The following COMMD1 variants were observed in gnomAD, a reference collection of about 807,000 sequenced individuals.
The protein encoded by COMMD1 is COMM domain-containing protein 1.
Under a neutral mutation model 17.2 loss-of-function variants are expected in COMMD1, and 10 were observed. That is an observed-to-expected ratio of 0.58 (90% CI 0.36 to 0.99). The LOEUF is 0.99. Ranked by LOEUF, COMMD1 falls within the 50% of genes least tolerant of loss-of-function variation. The pLI is 0.01. For missense variants in COMMD1, 270 were observed against 231.8 expected (o/e 1.17, Z -1.07); for synonymous variants, 97 against 91.6 (o/e 1.06, Z -0.34).
At chr2:61,964,457 GC>G (rs1671452502) in intron 1 of COMMD1, among the ~76,000 whole-genome samples, 1 of 151,998 alleles carries the variant, frequency 6.6e-6, no homozygotes, top group South Asian at 2.1e-4. Context: ...TAAGCAATCC[GC>G]CCCATTTGGC....
intron 1 of COMMD1, among the ~76,000 whole-genome samples, chr2:61,911,242 G>C (rs189333657): frequency 6.6e-5 from 10 of 152,098 alleles, no homozygotes; most frequent in African/African-American, 2.4e-4. Flanking sequence ...GGGGAGGCCA[G>C]GGTGGGCGGA....
chr2:61,994,917 G>T (rs549725228), intron 1 of COMMD1, among the ~76,000 whole-genome samples: 2 of 152,094 alleles, frequency 1.3e-5, no homozygotes, highest in Non-Finnish European at 2.9e-5. Flanking sequence ...CTGGTTTGGA[G>T]CTTATGCCAG....
At chr2:62,058,565 G>T (rs1304130411) in intron 2 of COMMD1, among the ~76,000 whole-genome samples, 1 of 152,006 alleles carries the variant, frequency 6.6e-6, no homozygotes, top group Non-Finnish European at 1.5e-5. Context: ...CTTGAGCCCA[G>T]GAGTTTGAGA....
At chr2:62,082,170 A>G (rs1447240474) in intron 2 of COMMD1, among the ~76,000 whole-genome samples, 2 of 152,190 alleles carry the variant, frequency 1.3e-5, no homozygotes, top group African/African-American at 4.8e-5. Flanking sequence ...AAAAGCTTGT[A>G]TACATTTCTG....
At chr2:62,030,907 C>T (rs1054122618) in intron 2 of COMMD1, among the ~76,000 whole-genome samples, 4 of 151,636 alleles carry the variant, frequency 2.6e-5, no homozygotes, top group African/African-American at 9.7e-5. Flanking sequence ...TCATTTACAC[C>T]CCCCAGGTTT....
chr2:61,891,346 G>A (rs564997837), intron 1 of COMMD1, among the ~76,000 whole-genome samples: 5 of 152,170 alleles, frequency 3.3e-5, no homozygotes, highest in Non-Finnish European at 7.3e-5. Context: ...ATTTTTGTTC[G>A]TGGGATTAGG....
chr2:62,072,736 A>G (rs924986729), intron 2 of COMMD1, among the ~76,000 whole-genome samples: 2 of 152,162 alleles, frequency 1.3e-5, no homozygotes, highest in Admixed American at 1.3e-4. Context: ...GCACCACCGC[A>G]TTCCCCACAT....
chr2:62,068,892 C>T (rs1475694605), intron 2 of COMMD1, among the ~76,000 whole-genome samples: 2 of 151,966 alleles, frequency 1.3e-5, no homozygotes, highest in African/African-American at 4.8e-5. Flanking sequence ...TCACCCGCCT[C>T]GGCCTCCCAA....
intron 2 of COMMD1, chr2:62,055,373 T>G: frequency 1.5e-5 from 7 of 455,330 alleles, no homozygotes; most frequent in South Asian, 9.3e-5. Context: ...CAGAAGACTC[T>G]AAGACTGCCA....
chr2:61,943,610 G>A (rs1193457968), intron 1 of COMMD1, among the ~76,000 whole-genome samples: 2 of 152,168 alleles, frequency 1.3e-5, no homozygotes, highest in African/African-American at 2.4e-5. Flanking sequence ...TGAGGCAGGT[G>A]GATCACTTGA....
intron 2 of COMMD1, among the ~76,000 whole-genome samples, chr2:62,059,130 G>T (rs1049178749): frequency 5.3e-5 from 8 of 152,052 alleles, no homozygotes; most frequent in Admixed American, 1.3e-4. Flanking sequence ...ATACATTTCT[G>T]ATTATGTTTT....
chr2:61,999,192 A>G (rs534602818), intron 1 of COMMD1, among the ~76,000 whole-genome samples: 1 of 152,348 alleles, frequency 6.6e-6, no homozygotes, highest in South Asian at 2.1e-4. Flanking sequence ...GATGCACAAT[A>G]AAATGAAGTA....
intron 2 of COMMD1, among the ~76,000 whole-genome samples, chr2:62,053,051 G>A (rs961105985): frequency 1.3e-5 from 2 of 152,160 alleles, no homozygotes; most frequent in African/African-American, 4.8e-5. Flanking sequence ...CTGCACTCCA[G>A]CCTAGGTGAC....
At chr2:61,903,531 T>G (rs1669702689), upstream of COMMD1, among the ~76,000 whole-genome samples, 1 of 151,984 alleles carries the variant, frequency 6.6e-6, no homozygotes, top group Non-Finnish European at 1.5e-5. Flanking sequence ...TGGCACTGCC[T>G]TGAAAGGGGC....
At chr2:61,905,286 C>T (rs1378732570), upstream of COMMD1, among the ~76,000 whole-genome samples, 1 of 152,178 alleles carries the variant, frequency 6.6e-6, no homozygotes, top group African/African-American at 2.4e-5. Context: ...GAGATTAAAT[C>T]TGAGTGATCG....
rs374908626 is a variant in COMMD1, at chr2:62,071,233, T to A, written c.463-64598T>A. ...ACCATAGATGGTAATTTCCTGACGT[T>A]GCCATGGGATTTGTAAGCTGTAGTG... On this transcript the variant is annotated intron_variant, in intron 2 of 2. Transcript: ENST00000311832. Among the ~76,000 whole-genome samples the A allele has an allele frequency of 1.3e-4, 20 of 152,324 alleles. 1 individual carries two copies. The East Asian group carries it at 3.7e-3, about 28-fold the overall frequency.
rs534595149 is a variant in COMMD1 at position 61,950,475 on chromosome 2, C to G, written c.180+44617C>G. On this transcript the variant is annotated intron_variant, in intron 1 of 2. Transcript: ENST00000311832. The stretch of plus-strand genomic sequence containing the variant: ...TAAAAGGTTTATACAGTAGTTCCCC[C>G]TAATCCCCTATGGATTAATATGGGA... Among the ~76,000 whole-genome samples, 4 of 152,332 alleles carry G rather than the reference C, an allele frequency of 2.6e-5. No individual in the cohort carries two copies. In the South Asian group the frequency reaches 8.3e-4, roughly 32 times the overall value.
At chr2:62,027,802 TAGCTGGGACTA>T (rs1284158818) in intron 2 of COMMD1, among the ~76,000 whole-genome samples, 12 of 152,228 alleles carry the variant, frequency 7.9e-5, no homozygotes, top group Admixed American at 5.2e-4. Context: ...GTCTCATGAG[TAGCTGGGACTA>T]AGCACACTTG....
chr2:61,958,663 A>G (rs1256069138), intron 1 of COMMD1, among the ~76,000 whole-genome samples: 1 of 152,234 alleles, frequency 6.6e-6, no homozygotes, highest in Non-Finnish European at 1.5e-5. Context: ...TTTTCTGGGA[A>G]CAGACCTTAT....
Sources: gnomAD v4.1 joint callset for allele counts (sites outside exome capture counted in the v4.1 genomes callset) on GRCh38, gnomAD v4.1.1 for gene constraint, MANE v1.5 for transcripts, NCBI Gene and HGNC (gene_info 2026-07-23, HGNC 2026-07-21) for gene names.